ANK3: variants seen among roughly 807,000 people sequenced by gnomAD.
ANK3 encodes the protein ankyrin 3.
ANK3 carries 57 observed loss-of-function variants against 370.9 expected under a neutral mutation model. That is an observed-to-expected ratio of 0.15 (90% CI 0.12 to 0.19). The LOEUF (loss-of-function observed/expected upper bound fraction) is 0.19, where lower values mean the gene tolerates loss of function less well. Among genes scored for constraint, ANK3 ranks in the 10% least tolerant of loss-of-function variants. The pLI, the probability that ANK3 is intolerant of heterozygous loss-of-function variation, is 1.00. For missense variants in ANK3, 4,439 were observed against 5,302.1 expected, an observed-to-expected ratio of 0.84 and a Z score of 5.06; for synonymous variants, 1,929 against 1,946.3, an observed-to-expected ratio of 0.99 and a Z score of 0.23.
intron 1 of ANK3, among the ~76,000 whole-genome samples, chr10:60,672,449 A>G (rs2079073718): frequency 6.6e-6 from 1 of 152,224 alleles, no homozygotes; most frequent in Non-Finnish European, 1.5e-5. Flanking sequence ...AATCATGTCT[A>G]CATGATAAAA....
At chr10:60,214,698 C>G (rs2096908646) in intron 8 of ANK3, among the ~76,000 whole-genome samples, 1 of 152,114 alleles carries the variant, frequency 6.6e-6, no homozygotes, top group South Asian at 2.1e-4. Flanking sequence ...ATCTCATTCT[C>G]TTTTATGGCT....
At chr10:60,352,614 C>T (rs1413222022) in intron 1 of ANK3, among the ~76,000 whole-genome samples, 1 of 152,082 alleles carries the variant, frequency 6.6e-6, no homozygotes, top group African/African-American at 2.4e-5. Context: ...TGAGAACTTC[C>T]TATGATGTTC....
intron 1 of ANK3, among the ~76,000 whole-genome samples, chr10:60,650,993 G>A (rs1015059530): frequency 1.3e-5 from 2 of 152,182 alleles, no homozygotes; most frequent in Non-Finnish European, 2.9e-5. Context: ...CTACTCAGGA[G>A]GTTGAGGTGA....
intron 2 of ANK3, among the ~76,000 whole-genome samples, chr10:60,503,922 C>T (rs940090824): frequency 6.6e-6 from 1 of 152,070 alleles, no homozygotes; most frequent in Admixed American, 6.6e-5. Context: ...TAATGTGATA[C>T]CTTGATTTCT....
chr10:60,097,850 C>T (rs1318905147), intron 28 of ANK3, among the ~76,000 whole-genome samples: 1 of 152,122 alleles, frequency 6.6e-6, no homozygotes, highest in Non-Finnish European at 1.5e-5. Context: ...CTCAAGGTTT[C>T]CCAAAGGATG....
intron 1 of ANK3, among the ~76,000 whole-genome samples, chr10:60,373,138 A>G (rs1422398828): frequency 6.6e-6 from 1 of 152,226 alleles, no homozygotes; most frequent in Non-Finnish European, 1.5e-5. Context: ...TAATAAAACA[A>G]TGGTGGGCTT....
rs564759589 is a variant in ANK3 at position 60,544,079 on chromosome 10, T to C, written c.96+71107A>G. On this transcript the variant is annotated intron_variant, in intron 2 of 43. Transcript: ENST00000373827. ...ACAGTGCAAAACACTCAGTAGGATC[T>C]AGACACTGGTATGTTGTATGCTCAG... Among the ~76,000 whole-genome samples the C allele has an allele frequency of 4.6e-5, 7 of 152,238 alleles. No individual in the cohort carries two copies. The South Asian group carries it at 1.2e-3, about 27-fold the overall frequency.
intron 1 of ANK3, among the ~76,000 whole-genome samples, chr10:60,689,754 C>A (rs78550357): frequency 0.012 from 1,283 of 106,576 alleles, 1 homozygote; most frequent in African/African-American, 0.015. Flanking sequence ...GACTTCATCT[C>A]AAAAAAAAAA....
rs1041554040 is a variant in ANK3 at position 60,027,862 on chromosome 10, G to A, written c.*1984C>T. On this transcript the variant is annotated 3_prime_UTR_variant, in exon 44 of 44. Transcript: ENST00000280772. ...ATATAAGAAATGAGGCTGTGGCAGTGATACCTGTAGACCCCACACCTGGCT... is the reference window on the plus strand; with the variant it reads ...ATATAAGAAATGAGGCTGTGGCAGTAATACCTGTAGACCCCACACCTGGCT... 2.0e-5 allele frequency: 3 copies of A among 152,208 alleles called. No individual in the cohort carries two copies. Among genetic ancestry groups the A allele is most frequent in the Non-Finnish European group, 4.4e-5 (3 of 68,040 alleles). The allele number at this position is 152,208 out of a possible 1,614,324, so 9.4% of individuals were successfully genotyped here.
In ANK3 at chr10:60,495,323, T is replaced by C. The variant is rs775267630; in HGVS notation, c.96+119863A>G. Among the ~76,000 whole-genome samples, 9 of 152,176 alleles carry C rather than the reference T, an allele frequency of 5.9e-5. 1 individual carries two copies. Among genetic ancestry groups the C allele is most frequent in the South Asian group, 4.1e-4 (2 of 4,830 alleles). On this transcript the variant is annotated intron_variant, in intron 2 of 43. Transcript: ENST00000373827. The stretch of plus-strand genomic sequence containing the variant: ...AAATGTGGTCCAGGGATGAGCAGCA[T>C]TGGCATTACATGGTAAGATATTGAA...
chr10:60,611,970 A>C (rs960857464), intron 2 of ANK3, among the ~76,000 whole-genome samples: 1 of 152,052 alleles, frequency 6.6e-6, no homozygotes, highest in African/African-American at 2.4e-5. Context: ...TGACACTCTT[A>C]TCTCATTCAA....
At chr10:60,274,686 C>T (rs1234818591) in intron 4 of ANK3, among the ~76,000 whole-genome samples, 1 of 152,162 alleles carries the variant, frequency 6.6e-6, no homozygotes, top group Non-Finnish European at 1.5e-5. Context: ...ACTCTCCACC[C>T]CAGCTATTGG....
rs2092465224 is a variant in ANK3 at position 60,109,062 on chromosome 10, G to A, written c.2949-8C>T. 1 of 1,607,050 alleles carries A rather than the reference G, an allele frequency of 6.2e-7. No homozygotes were observed. On this transcript the variant is annotated splice_polypyrimidine_tract_variant and splice_region_variant and intron_variant, in intron 26 of 43. Coordinates refer to ENST00000280772, the MANE Select transcript of ANK3 (RefSeq NM_020987.5). The stretch of plus-strand genomic sequence containing the variant: ...ATAAAGCTAACCAGAAACCTGAGGG[G>A]AGAAGATCAGAGGCCAATTCAAGGA...
At chr10:60,559,886 T>C (rs1595278206) in intron 2 of ANK3, among the ~76,000 whole-genome samples, 1 of 152,032 alleles carries the variant, frequency 6.6e-6, no homozygotes, top group Non-Finnish European at 1.5e-5. Flanking sequence ...CTACTAAATA[T>C]ACAAAAATTA....
At chr10:60,313,310 G>C (rs751985947) in intron 1 of ANK3, among the ~76,000 whole-genome samples, 2 of 152,104 alleles carry the variant, frequency 1.3e-5, no homozygotes, top group Non-Finnish European at 2.9e-5. Context: ...ATGAGTCACG[G>C]GGAAAAGGAA....
chr10:60,680,397 G>A (rs1428557863), intron 1 of ANK3, among the ~76,000 whole-genome samples: 1 of 152,160 alleles, frequency 6.6e-6, no homozygotes, highest in East Asian at 1.9e-4. Flanking sequence ...AGGGGCAGTG[G>A]GGACTGCAGA....
intron 2 of ANK3, among the ~76,000 whole-genome samples, chr10:60,529,739 A>G (rs538496540): frequency 6.6e-6 from 1 of 152,308 alleles, no homozygotes; most frequent in South Asian, 2.1e-4. Flanking sequence ...CATATATGAG[A>G]TGTGACAATA....
Position 60,141,761 on chromosome 10 carries a change from G to T in ANK3, c.2615-2674C>A, listed in dbSNP as rs941308451. Among the ~76,000 whole-genome samples the T allele has an allele frequency of 3.5e-4, 53 of 151,918 alleles. 1 individual carries two copies. Among genetic ancestry groups the T allele is most frequent in the African/African-American group, 1.2e-3 (51 of 41,440 alleles). On this transcript the variant is annotated intron_variant, in intron 23 of 43. Transcript: ENST00000280772. ...ATCTGTAGAACCGATAAAGTAGGGG[G>T]AAAAATCTGTTTTCCCTGGATACAT...
At chr10:60,212,791 G>C (rs1360779107) in intron 9 of ANK3, among the ~76,000 whole-genome samples, 1 of 152,138 alleles carries the variant, frequency 6.6e-6, no homozygotes. Context: ...AAAAGTAGTA[G>C]TGACAATGAG....
Sources: allele counts gnomAD v4.1 joint callset (sites outside exome capture counted in the v4.1 genomes callset), GRCh38; gene constraint gnomAD v4.1.1; transcripts MANE v1.5; gene names NCBI Gene and HGNC (gene_info 2026-07-23, HGNC 2026-07-21).